The following MBOAT2 variants were observed in gnomAD, a reference collection of about 807,000 sequenced individuals.
MBOAT2 encodes membrane bound glycerophospholipid O-acyltransferase 2, also known as membrane-bound glycerophospholipid O-acyltransferase 2.
MBOAT2 carries 28 observed loss-of-function variants against 63.4 expected under a neutral mutation model. The ratio of observed to expected loss-of-function variants is 0.44; its 90% CI spans 0.33 to 0.61. MBOAT2 has a LOEUF of 0.61. Among genes scored for constraint, MBOAT2 ranks in the 20% least tolerant of loss-of-function variants. The pLI, the probability that MBOAT2 is intolerant of heterozygous loss-of-function variation, is 0.03. For synonymous variants in MBOAT2, 211 were observed against 215.6 expected, an observed-to-expected ratio of 0.98 and a Z score of 0.19; for missense variants, 470 against 605.8, an observed-to-expected ratio of 0.78 and a Z score of 2.35.
At chr2:8,935,044 A>T (rs1470885021) in intron 3 of MBOAT2, among the ~76,000 whole-genome samples, 1 of 152,148 alleles carries the variant, frequency 6.6e-6, no homozygotes, top group Non-Finnish European at 1.5e-5. Flanking sequence ...GTCATGGTGG[A>T]TTGAGATAGA....
At chr2:8,979,599 T>A (rs184751889) in intron 1 of MBOAT2, among the ~76,000 whole-genome samples, 3 of 152,260 alleles carry the variant, frequency 2.0e-5, no homozygotes, top group African/African-American at 7.2e-5. Flanking sequence ...TTTCCTTTTA[T>A]TTTATGCAGA....
At position 8,916,175 on chromosome 2, in the gene MBOAT2, C is replaced by T. The variant is rs77271042; in HGVS notation, c.300-7459G>A. Among the ~76,000 whole-genome samples the T allele has an allele frequency of 8.6e-4, 131 of 152,312 alleles. 1 individual carries two copies. In the East Asian group the frequency reaches 0.024, roughly 28 times the overall value. On this transcript the variant is annotated intron_variant, in intron 3 of 12. Transcript: ENST00000305997. ...TAAAAAACAGAACTTGGTGTTTTGA[C>T]GCCCTCATCAACACTGAGCTGTTGA...
At chr2:8,915,102 C>T (rs1291279811) in intron 3 of MBOAT2, among the ~76,000 whole-genome samples, 1 of 151,658 alleles carries the variant, frequency 6.6e-6, no homozygotes, top group Non-Finnish European at 1.5e-5. Context: ...TCACACCCAG[C>T]TAATTTTTGT....
chr2:8,993,843 T>C lies in MBOAT2; in HGVS notation c.75+9697A>G, dbSNP rs936891007. Among the ~76,000 whole-genome samples, 4 of 152,174 alleles carry C rather than the reference T, an allele frequency of 2.6e-5. No homozygotes were observed. The South Asian group carries it at 6.2e-4, about 24-fold the overall frequency. On this transcript the variant is annotated intron_variant, in intron 1 of 12. Coordinates refer to ENST00000305997, the MANE Select transcript of MBOAT2 (RefSeq NM_138799.4). ...AAATGGATGACAGAGAACACTCTCC[T>C]AGGCTCTGAAGAAAGTAAAGCCTTA...
At chr2:8,927,392 A>G (rs1413497494) in intron 3 of MBOAT2, among the ~76,000 whole-genome samples, 2 of 152,220 alleles carry the variant, frequency 1.3e-5, no homozygotes, top group Non-Finnish European at 2.9e-5. Context: ...TGAATTTAAT[A>G]AGGCAACTAA....
At chr2:8,994,351 G>A (rs1328714804) in intron 1 of MBOAT2, among the ~76,000 whole-genome samples, 1 of 152,202 alleles carries the variant, frequency 6.6e-6, no homozygotes, top group Non-Finnish European at 1.5e-5. Context: ...GCATTCTCTC[G>A]CAGCACTGCT....
chr2:8,984,448 G>A (rs763207464), intron 1 of MBOAT2, among the ~76,000 whole-genome samples: 1 of 152,174 alleles, frequency 6.6e-6, no homozygotes, highest in Non-Finnish European at 1.5e-5. Flanking sequence ...GCAAGGAAAT[G>A]ATTAACACAA....
At chr2:8,903,142 C>CT (rs1213130907) in intron 4 of MBOAT2, among the ~76,000 whole-genome samples, 1 of 152,176 alleles carries the variant, frequency 6.6e-6, no homozygotes, top group Non-Finnish European at 1.5e-5. Flanking sequence ...ATTTACAAAC[C>CT]TTTAACTAGG....
At chr2:8,958,399 A>G (rs1669377802) in intron 2 of MBOAT2, 98 bp downstream of exon 2, 2 of 1,206,002 alleles carry the variant, frequency 1.7e-6, no homozygotes, top group South Asian at 2.7e-5. Flanking sequence ...TTAAGTAAAT[A>G]TAAGAACAAA....
At chr2:8,868,607 T>C in intron 8 of MBOAT2, 58 bp from the exon 9 acceptor site, 13 of 1,353,100 alleles carry the variant, frequency 9.6e-6, no homozygotes, top group Non-Finnish European at 1.2e-5. Context: ...TTTACCATAT[T>C]CTCCCAGAAG....
intron 6 of MBOAT2, among the ~76,000 whole-genome samples, chr2:8,878,792 C>T (rs1662887507): frequency 6.6e-6 from 1 of 152,192 alleles, no homozygotes; most frequent in Non-Finnish European, 1.5e-5. Context: ...TGTCTTGAAC[C>T]TTGGCCGGGC....
chr2:8,977,339 C>T (rs1192657733), intron 1 of MBOAT2, among the ~76,000 whole-genome samples: 1 of 152,104 alleles, frequency 6.6e-6, no homozygotes, highest in Non-Finnish European at 1.5e-5. Flanking sequence ...TTACATATCA[C>T]ACTTTGTGGA....
intron 6 of MBOAT2, 97 bp downstream of exon 6, chr2:8,882,414 A>C (rs1663206353): frequency 8.6e-7 from 1 of 1,159,060 alleles, no homozygotes; most frequent in Non-Finnish European, 1.3e-6. Context: ...AGAAGTAAGT[A>C]CCTCTAGAAG....
chr2:8,904,316 A>ATT (rs59252049), intron 4 of MBOAT2, among the ~76,000 whole-genome samples: 1 of 142,532 alleles, frequency 7.0e-6, no homozygotes, highest in Non-Finnish European at 1.5e-5. Context: ...TTTATTTTTT[A>ATT]TTTTTTTTTT....
chr2:8,965,025 A>G (rs1669886763), intron 1 of MBOAT2, among the ~76,000 whole-genome samples: 1 of 152,098 alleles, frequency 6.6e-6, no homozygotes, highest in Non-Finnish European at 1.5e-5. Context: ...ATCTTTGTTT[A>G]TGGTGTCTTT....
At position 8,933,171 on chromosome 2, in the gene MBOAT2, T is replaced by TAA. The variant is rs1012299236; in HGVS notation, c.299+10014_299+10015dup. 4.7e-4 allele frequency among the ~76,000 whole-genome samples: 72 copies of TAA among 152,324 alleles called. 1 individual carries two copies. The highest frequency in any genetic ancestry group is 6.8e-3 in the Middle Eastern group (2 of 294). On this transcript the variant is annotated intron_variant, in intron 3 of 12. Transcript: ENST00000305997. ...TCTGGCAAGGATTAGGATCTTGGTGTAAAAGTAAGATTAGTTTCTAGAAGT... is the reference window on the plus strand; with the variant it reads ...TCTGGCAAGGATTAGGATCTTGGTGTAAAAAAGTAAGATTAGTTTCTAGAAGT...
In MBOAT2 at chr2:8,873,393, T is replaced by C. The variant is rs1025081078; in HGVS notation, c.691-93A>G. 6 of 1,270,276 alleles carry C rather than the reference T, an allele frequency of 4.7e-6. No homozygotes were observed. In the African/African-American group the frequency reaches 9.0e-5, roughly 19 times the overall value. 78.7% of individuals were successfully genotyped at this position (1,270,276 alleles called of 1,614,324 possible). On this transcript the variant is annotated intron_variant, in intron 7 of 12. Coordinates refer to ENST00000305997, the MANE Select transcript of MBOAT2 (RefSeq NM_138799.4). ...CGACAGATTAATCTTCCTGAATGGA[T>C]CATCAGTCCTACAACTCTCCTGGTC...
chr2:8,960,577 G>A (rs1369142888), intron 1 of MBOAT2, among the ~76,000 whole-genome samples: 1 of 152,180 alleles, frequency 6.6e-6, no homozygotes, highest in African/African-American at 2.4e-5. Flanking sequence ...ACAACCATAG[G>A]AGGGGGCAGC....
intron 1 of MBOAT2, among the ~76,000 whole-genome samples, chr2:8,984,832 A>G (rs1558684653): frequency 6.6e-6 from 1 of 152,192 alleles, no homozygotes. Context: ...GAGCCAAATA[A>G]TATCAATCCT....
Sources: gnomAD v4.1 joint callset for allele counts (sites outside exome capture counted in the v4.1 genomes callset) on GRCh38, gnomAD v4.1.1 for gene constraint, MANE v1.5 for transcripts, NCBI Gene and HGNC (gene_info 2026-07-23, HGNC 2026-07-21) for gene names.